The following RASGRF2 variants were observed in gnomAD, a reference collection of about 807,000 sequenced individuals.
The protein encoded by RASGRF2 is Ras protein specific guanine nucleotide releasing factor 2, also known as ras-specific guanine nucleotide-releasing factor 2.
RASGRF2 carries 76 observed loss-of-function variants against 151.0 expected under a neutral mutation model. The observed-to-expected ratio is 0.50, with a 90% CI of 0.42 to 0.61. RASGRF2 has a LOEUF of 0.61. Among genes scored for constraint, RASGRF2 ranks in the 20% least tolerant of loss-of-function variants. RASGRF2 has a pLI of 0.00. For missense variants in RASGRF2, 1,148 were observed against 1,564.6 expected, an observed-to-expected ratio of 0.73 and a Z score of 4.49; for synonymous variants, 504 against 566.5, an observed-to-expected ratio of 0.89 and a Z score of 1.57.
intron 1 of RASGRF2, among the ~76,000 whole-genome samples, chr5:80,968,787 G>A (rs1050724367): frequency 2.0e-5 from 3 of 152,158 alleles, no homozygotes; most frequent in Non-Finnish European, 4.4e-5. Flanking sequence ...GAGCTCTAGC[G>A]ATCCTCCTTC....
chr5:81,002,181 A>G (rs1400267212), intron 1 of RASGRF2, among the ~76,000 whole-genome samples: 2 of 152,212 alleles, frequency 1.3e-5, no homozygotes, highest in South Asian at 2.1e-4. Context: ...AAGATAGCAT[A>G]TTTAGCATTT....
chr5:80,995,221 C>G (rs572572), intron 1 of RASGRF2, among the ~76,000 whole-genome samples: 6 of 146,874 alleles, frequency 4.1e-5, no homozygotes, highest in African/African-American at 1.3e-4. Flanking sequence ...GCGCCACTGC[C>G]CTCCAGCCTG....
At chr5:80,973,989 C>CA (rs763503247) in intron 1 of RASGRF2, among the ~76,000 whole-genome samples, 17 of 152,302 alleles carry the variant, frequency 1.1e-4, no homozygotes, top group Admixed American at 2.0e-4. Flanking sequence ...CTGATGTAGC[C>CA]AATCTGCCAG....
rs1747521471 is a variant in RASGRF2, at chr5:80,960,794, C to A, written c.56C>A (p.Ala19Glu). Residue 19 changes from alanine to glutamate, a missense_variant, in exon 1 of 27, where the codon GCG becomes GAG. Physicochemically the swap from Ala to Glu is moderately radical, Grantham distance 107 (BLOSUM62 -1). Transcript: ENST00000265080. This position sits in a 1 kb window ranked among gnomAD's most constrained non-coding sequence, Gnocchi z 5.5. Reference protein sequence around the residue: ...EGHALYLAFLARKEGTKRGFL... With the variant: ...EGHALYLAFLERKEGTKRGFL... Reference sequence around the variant, plus strand: ...CACGCCCTGTACCTGGCCTTTCTGGCGCGCAAGGAGGGCACCAAGCGCGGC... The same window carrying A: ...CACGCCCTGTACCTGGCCTTTCTGGAGCGCAAGGAGGGCACCAAGCGCGGC... 3.1e-6 allele frequency: 5 copies of A among 1,612,808 alleles called. No individual in the cohort carries two copies. Among genetic ancestry groups the A allele is most frequent in the Non-Finnish European group, 4.2e-6 (5 of 1,179,380 alleles).
intron 17 of RASGRF2, among the ~76,000 whole-genome samples, chr5:81,166,814 C>G (rs759789638): frequency 3.3e-5 from 5 of 152,038 alleles, no homozygotes; most frequent in Non-Finnish European, 5.9e-5. Flanking sequence ...ACACTGAGAA[C>G]CCGAGATGAG....
At chr5:81,209,604 G>A (rs1403633441) in intron 22 of RASGRF2, among the ~76,000 whole-genome samples, 2 of 152,126 alleles carry the variant, frequency 1.3e-5, no homozygotes, top group Admixed American at 6.5e-5. Flanking sequence ...CTTCAGTGCC[G>A]CTGCTGCCTA....
intron 17 of RASGRF2, among the ~76,000 whole-genome samples, chr5:81,142,606 A>G (rs915214094): frequency 6.6e-6 from 1 of 151,984 alleles, no homozygotes; most frequent in African/African-American, 2.4e-5. Context: ...TTTCTGTATC[A>G]TGCTGTCTTT....
chr5:81,060,831 G>A (rs1218499194), intron 2 of RASGRF2, among the ~76,000 whole-genome samples: 1 of 152,138 alleles, frequency 6.6e-6, no homozygotes, highest in Non-Finnish European at 1.5e-5. Context: ...TACAAAAGAA[G>A]TAACTCAAGA....
intron 17 of RASGRF2, among the ~76,000 whole-genome samples, chr5:81,154,083 A>G (rs1754201390): frequency 6.6e-6 from 1 of 152,220 alleles, no homozygotes; most frequent in Non-Finnish European, 1.5e-5. Flanking sequence ...CAGAATTGAA[A>G]GGACAAATAG....
chr5:81,125,438 C>T (rs971046449), intron 16 of RASGRF2, among the ~76,000 whole-genome samples: 6 of 152,110 alleles, frequency 3.9e-5, no homozygotes, highest in African/African-American at 1.4e-4. Context: ...TTGGGTGTTT[C>T]TGGTAAATGA....
At chr5:81,019,580 A>C (rs1016279110) in intron 1 of RASGRF2, 4 of 152,228 alleles carry the variant, frequency 2.6e-5, no homozygotes, top group Admixed American at 1.3e-4. Context: ...TCTGAAACTG[A>C]AAAATGTAAA....
chr5:81,059,862 CAAAAAAA>C, intron 2 of RASGRF2, among the ~76,000 whole-genome samples: 1 of 151,554 alleles, frequency 6.6e-6, no homozygotes, highest in African/African-American at 2.4e-5. Context: ...AAACAAAAAA[CAAAAAAA>C]ACAACCTGAG....
chr5:80,964,567 TA>T (rs1479350347), intron 1 of RASGRF2, among the ~76,000 whole-genome samples: 4 of 152,150 alleles, frequency 2.6e-5, no homozygotes, highest in Admixed American at 2.0e-4. Flanking sequence ...CAGTTGAAGA[TA>T]TAAAGACTAA....
intron 9 of RASGRF2, 70 bp downstream of exon 9, chr5:81,087,023 G>T: frequency 1.4e-6 from 2 of 1,398,572 alleles, no homozygotes; most frequent in Non-Finnish European, 2.0e-6. Context: ...GGCACACCCC[G>T]GAAGGCGTTC....
chr5:81,209,341 A>G (rs1413711752), intron 22 of RASGRF2, among the ~76,000 whole-genome samples: 1 of 152,160 alleles, frequency 6.6e-6, no homozygotes, highest in Non-Finnish European at 1.5e-5. Context: ...TGGTAGAACA[A>G]GTAACAGGTG....
At chr5:81,165,555 C>T (rs1478672124) in intron 17 of RASGRF2, among the ~76,000 whole-genome samples, 1 of 152,204 alleles carries the variant, frequency 6.6e-6, no homozygotes, top group Non-Finnish European at 1.5e-5. Flanking sequence ...TATGGATCAT[C>T]ACAGGAAAAT....
chr5:81,145,003 G>C (rs1387148176), intron 17 of RASGRF2, among the ~76,000 whole-genome samples: 1 of 152,202 alleles, frequency 6.6e-6, no homozygotes, highest in African/African-American at 2.4e-5. Flanking sequence ...ACTTTGGGAG[G>C]CTGAGGCAGC....
In RASGRF2 at chr5:80,971,423, C is replaced by G. The variant is rs73125004; in HGVS notation, c.288+10397C>G. Among the ~76,000 whole-genome samples, 1,065 of 152,212 alleles carry G rather than the reference C, an allele frequency of 7.0e-3. 13 individuals carry two copies. Among genetic ancestry groups the G allele is most frequent in the African/African-American group, 0.024 (1,006 of 41,522 alleles). On this transcript the variant is annotated intron_variant, in intron 1 of 26. Transcript: ENST00000265080. Reference sequence around the variant, plus strand: ...TGTTCCTTTTCATTTCTTTCTTTCTCTCTTTTTTGAGACAGGGTCTTGCTG... The same window carrying G: ...TGTTCCTTTTCATTTCTTTCTTTCTGTCTTTTTTGAGACAGGGTCTTGCTG...
intron 1 of RASGRF2, among the ~76,000 whole-genome samples, chr5:81,037,048 A>G (rs937453549): frequency 6.6e-6 from 1 of 152,190 alleles, no homozygotes; most frequent in Non-Finnish European, 1.5e-5. Flanking sequence ...CTTACATAGC[A>G]GTCACAGAAG....
Sources: allele counts gnomAD v4.1 joint callset (sites outside exome capture counted in the v4.1 genomes callset), GRCh38; gene constraint gnomAD v4.1.1; non-coding constraint Gnocchi (gnomAD v3.1); transcripts MANE v1.5; gene names NCBI Gene and HGNC (gene_info 2026-07-23, HGNC 2026-07-21).